Variants in SRGAP3 observed in about 807,000 individuals in gnomAD.
SRGAP3 encodes the protein SLIT-ROBO Rho GTPase-activating protein 3.
In SRGAP3, 39 loss-of-function variants were observed where a neutral mutation model predicts 121.1. That is an observed-to-expected ratio of 0.32 (90% confidence interval 0.25 to 0.42). The LOEUF (loss-of-function observed/expected upper bound fraction) is 0.42. SRGAP3 is among the 10% of genes least tolerant of loss of function. SRGAP3 has a pLI of 1.00. For synonymous variants in SRGAP3, 601 were observed against 570.0 expected, an observed-to-expected ratio of 1.05 and a Z score of -0.77; for missense variants, 1,213 against 1,470.6, an observed-to-expected ratio of 0.82 and a Z score of 2.86.
intron 3 of SRGAP3, among the ~76,000 whole-genome samples, chr3:9,290,929 TGTG>T (rs1292367676): frequency 3.3e-5 from 5 of 152,154 alleles, no homozygotes; most frequent in East Asian, 1.9e-4. Flanking sequence ...AAACTTTTGT[TGTG>T]GTGGTAGTGG....
chr3:9,342,637 T>C (rs535993295), intron 1 of SRGAP3, among the ~76,000 whole-genome samples: 1 of 152,268 alleles, frequency 6.6e-6, no homozygotes, highest in East Asian at 1.9e-4. Flanking sequence ...AGTGAAGAGG[T>C]AGTAAGAAAA....
At position 9,058,549 on chromosome 3, in the gene SRGAP3, C is replaced by T. The variant is rs369073544; in HGVS notation, c.802-77G>A. ...GGGCGGTCACTGGCCACCACAGTGA[C>T]TTACAATTACCTCCCTTTCCACAGC... On this transcript the variant is annotated intron_variant, in intron 6 of 21. Coordinates refer to ENST00000383836, the MANE Select transcript of SRGAP3 (RefSeq NM_014850.4). 69 of 1,417,754 alleles carry T rather than the reference C, an allele frequency of 4.9e-5. No individual in the cohort carries two copies. In the African/African-American group the frequency reaches 9.0e-4, roughly 19 times the overall value. 87.8% of individuals were successfully genotyped at this position (1,417,754 alleles called of 1,614,324 possible). A position where few individuals can be genotyped will look rare whatever the true frequency, so the allele number is the denominator to read the frequency against.
Position 9,104,799 on chromosome 3 carries a change from C to G in SRGAP3, c.304G>C (p.Val102Leu). The G allele has an allele frequency of 2.5e-6, 4 of 1,614,248 alleles. No homozygotes were observed. Among genetic ancestry groups the G allele is most frequent in the Non-Finnish European group, 3.4e-6 (4 of 1,180,038 alleles). ...LLSPVNCWYLVLHQTRRESRD... is the reference protein window; with the variant it reads ...LLSPVNCWYLLLHQTRRESRD... The stretch of plus-strand genomic sequence containing the variant: ...CTCTCCCGCCGGGTCTGATGCAGAA[C>G]CAGATACCAACAGTTCACAGGCGAG... Residue 102 changes from valine (V) to leucine (L), a missense_variant, in exon 3 of 22, where the codon GTT becomes CTT. Around this residue, in one of 2 missense-constraint regions of SRGAP3, gnomAD observed 793 missense variants for 1,032.9 expected, o/e 0.77. Transcript: ENST00000383836.
intron 1 of SRGAP3, among the ~76,000 whole-genome samples, chr3:9,180,406 G>A (rs1186667679): frequency 6.6e-6 from 1 of 152,212 alleles, no homozygotes; most frequent in African/African-American, 2.4e-5. Context: ...CTCAGCCTGT[G>A]TATTCCCCTT....
chr3:9,296,974 T>C (rs1954963666), intron 3 of SRGAP3, among the ~76,000 whole-genome samples: 1 of 152,064 alleles, frequency 6.6e-6, no homozygotes, highest in Non-Finnish European at 1.5e-5. Context: ...AGACTCAACC[T>C]CCCAGACTCA....
chr3:9,350,612 T>C (rs2030079397), intron 1 of SRGAP3, among the ~76,000 whole-genome samples: 1 of 152,242 alleles, frequency 6.6e-6, no homozygotes, highest in Non-Finnish European at 1.5e-5. Flanking sequence ...ATTTCAAATG[T>C]AGATGGTAAT....
chr3:9,111,759 C>A (rs1359372585), intron 2 of SRGAP3, among the ~76,000 whole-genome samples: 1 of 152,184 alleles, frequency 6.6e-6, no homozygotes, highest in Non-Finnish European at 1.5e-5. Context: ...TTGTCTTCTG[C>A]AGCCTCATTT....
chr3:9,013,319 C>G lies in SRGAP3; in HGVS notation c.2136G>C (p.Gly712=), dbSNP rs751070814. 6.2e-7 allele frequency: 1 copy of G among 1,613,966 alleles called. No homozygotes were observed. Among genetic ancestry groups the G allele is most frequent in the Non-Finnish European group, 8.5e-7 (1 of 1,179,908 alleles). ...GAATGGCATCTTACCAATATTCTTC[C>G]CCTCCAGCCATGCATTTTTCATACA... ...GPVYEKCMAG[G]EEYCDSPHSE... is the part of the protein sequence containing the mutation. The change falls in exon 17 of 22, where the codon GGG becomes GGC. Residue 712 remains glycine, a synonymous_variant. Coordinates refer to ENST00000383836, the MANE Select transcript of SRGAP3 (RefSeq NM_014850.4).
chr3:9,322,079 G>T (rs1345093078), intron 3 of SRGAP3, among the ~76,000 whole-genome samples: 1 of 151,628 alleles, frequency 6.6e-6, no homozygotes, highest in Non-Finnish European at 1.5e-5. Flanking sequence ...AAGATACCAG[G>T]GTTCAAATCT....
At chr3:9,030,997 G>A (rs73026049) in intron 12 of SRGAP3, among the ~76,000 whole-genome samples, 17,617 of 151,830 alleles carry the variant, frequency 0.12, 1,252 homozygotes, top group East Asian at 0.35. Flanking sequence ...CTCTGTCACC[G>A]AGGCTGGAGT....
At chr3:9,293,365 T>TA (rs1346615148) in intron 3 of SRGAP3, 1 of 152,210 alleles carries the variant, frequency 6.6e-6, no homozygotes, top group Non-Finnish European at 1.5e-5. Context: ...GAGTACAACT[T>TA]AATCACAAAC....
At chr3:9,251,521 C>T (rs180970387), upstream of SRGAP3, among the ~76,000 whole-genome samples, 6 of 152,306 alleles carry the variant, frequency 3.9e-5, no homozygotes, top group East Asian at 1.2e-3. Context: ...CCTTGGAGTA[C>T]GACAGACTGG....
intron 1 of SRGAP3, among the ~76,000 whole-genome samples, chr3:9,167,376 C>G (rs1323813423): frequency 6.6e-6 from 1 of 152,206 alleles, no homozygotes; most frequent in African/African-American, 2.4e-5. Flanking sequence ...CCCTTCTGTA[C>G]TTACACATTT....
intron 3 of SRGAP3, among the ~76,000 whole-genome samples, chr3:9,261,054 C>A (rs369041779): frequency 6.6e-6 from 1 of 152,316 alleles, no homozygotes; most frequent in Non-Finnish European, 1.5e-5. Flanking sequence ...GATACCCAGG[C>A]AAACAGGATC....
intron 20 of SRGAP3, among the ~76,000 whole-genome samples, 153 bp from the exon 21 acceptor site, chr3:8,990,992 T>C (rs564657311): frequency 6.6e-6 from 1 of 152,206 alleles, no homozygotes; most frequent in East Asian, 1.9e-4. Context: ...AATTCCATAA[T>C]GAAAGAGCTG....
chr3:9,145,622 C>T (rs542926980), intron 1 of SRGAP3, among the ~76,000 whole-genome samples: 1 of 152,256 alleles, frequency 6.6e-6, no homozygotes, highest in East Asian at 1.9e-4. Flanking sequence ...GGGAGAGACT[C>T]AGGAGCTTCC....
At chr3:9,235,572 C>T (rs1206305190) in intron 1 of SRGAP3, 1 of 146,002 alleles carries the variant, frequency 6.8e-6, no homozygotes, top group Non-Finnish European at 1.5e-5. Flanking sequence ...GGCATGATCT[C>T]GGCTCACTGC....
intron 1 of SRGAP3, among the ~76,000 whole-genome samples, chr3:9,159,184 C>T (rs77444174): frequency 0.021 from 3,226 of 152,240 alleles, 114 homozygotes; most frequent in African/African-American, 0.074. Context: ...CAAGAACCCT[C>T]CCCACCACCC....
chr3:9,174,017 G>A (rs1419653981), intron 1 of SRGAP3, among the ~76,000 whole-genome samples: 2 of 150,622 alleles, frequency 1.3e-5, no homozygotes, highest in Middle Eastern at 3.4e-3. Flanking sequence ...AACCAGATGC[G>A]GTCTAGGCAC....
Sources: gnomAD v4.1 joint callset for allele counts (sites outside exome capture counted in the v4.1 genomes callset) on GRCh38, gnomAD v4.1.1 for gene constraint, gnomAD v4.1.1 regional missense constraint, MANE v1.5 for transcripts, NCBI Gene and HGNC (gene_info 2026-07-23, HGNC 2026-07-21) for gene names.